The following EXD3 variants were observed in gnomAD, a reference collection of about 807,000 sequenced individuals.
The protein encoded by EXD3 is exonuclease 3'-5' domain containing 3, also known as exonuclease mut-7 homolog.
Under a neutral mutation model 98.0 loss-of-function variants are expected in EXD3, and 92 were observed. That is an observed-to-expected ratio of 0.94 (90% CI 0.79 to 1.12). The LOEUF (loss-of-function observed/expected upper bound fraction) is 1.12, where lower values mean the gene tolerates loss of function less well. EXD3 is among the 50% of genes most tolerant of loss of function. EXD3 has a pLI of 0.00. For missense variants in EXD3, 1,222 were observed against 1,191.6 expected, an observed-to-expected ratio of 1.03 and a Z score of -0.38; for synonymous variants, 569 against 526.0, an observed-to-expected ratio of 1.08 and a Z score of -1.12.
chr9:137,331,902 T>C (rs1213163267), intron 17 of EXD3, among the ~76,000 whole-genome samples: 1 of 151,840 alleles, frequency 6.6e-6, no homozygotes, highest in Non-Finnish European at 1.5e-5. Context: ...GGCAACAGGG[T>C]GAGACTCCGT....
chr9:137,316,112 G>A (rs1259402191), intron 19 of EXD3, among the ~76,000 whole-genome samples: 10 of 150,924 alleles, frequency 6.6e-5, no homozygotes, highest in Non-Finnish European at 1.5e-4. Flanking sequence ...GGCGGGGCGC[G>A]GCGCGCTGGC....
chr9:137,420,231 A>AT (rs1175897195), intron 1 of EXD3, among the ~76,000 whole-genome samples: 2 of 151,780 alleles, frequency 1.3e-5, no homozygotes, highest in Admixed American at 6.6e-5. Flanking sequence ...GCTTTTTATG[A>AT]TTTTTTGTTG....
rs796346556 is a variant in EXD3 at position 137,326,078 on chromosome 9, C to CAA, written c.1999-1937_1999-1936dup. 6.3e-4 allele frequency among the ~76,000 whole-genome samples: 60 copies of CAA among 95,526 alleles called. 1 individual carries two copies. The highest frequency in any genetic ancestry group is 1.4e-3 in the Admixed American group (13 of 9,472). The allele number at this position is 95,526 out of a possible 152,430, so 62.7% of individuals were successfully genotyped here. ...TGGGCTACAAAGTGAGAACCTGTCTCAAAAAAAAAAAAAAAAAGACTCTTA... is the reference window on the plus strand; with the variant it reads ...TGGGCTACAAAGTGAGAACCTGTCTCAAAAAAAAAAAAAAAAAAAGACTCTTA... On this transcript the variant is annotated intron_variant, in intron 17 of 21. Coordinates refer to ENST00000340951, the MANE Select transcript of EXD3 (RefSeq NM_017820.5).
Position 137,359,887 on chromosome 9 carries a change from A to G in EXD3, c.657-3519T>C, listed in dbSNP as rs941364019. On this transcript the variant is annotated intron_variant, in intron 7 of 21. Coordinates refer to ENST00000340951, the MANE Select transcript of EXD3 (RefSeq NM_017820.5). ...TGACTGCGATCTTTTGTGGATAATG[A>G]GCTCATTTCTCTCGGGCATATGCTA... 1.3e-3 allele frequency among the ~76,000 whole-genome samples: 109 copies of G among 86,348 alleles called. 35 individuals are homozygous for G. The highest frequency in any genetic ancestry group is 3.5e-3 in the African/African-American group (109 of 31,254). 56.6% of individuals were successfully genotyped at this position (86,348 alleles called of 152,430 possible).
rs1389982371 is a variant in EXD3, at chr9:137,322,057, G to T, written c.2184+1668C>A. ...GAGTTGGGCTTTGGTGCCCCCACCA[G>T]CCTCCTCTATGGATCTCCACCGAGG... On this transcript the variant is annotated intron_variant, in intron 19 of 21. Coordinates refer to ENST00000340951, the MANE Select transcript of EXD3 (RefSeq NM_017820.5). 2.6e-5 allele frequency among the ~76,000 whole-genome samples: 4 copies of T among 152,162 alleles called. No homozygotes were observed. The East Asian group carries it at 7.7e-4, about 29-fold the overall frequency.
intron 1 of EXD3, among the ~76,000 whole-genome samples, chr9:137,406,407 T>A (rs1018661628): frequency 2.0e-5 from 3 of 151,684 alleles, no homozygotes; most frequent in African/African-American, 7.3e-5. Context: ...GGGGGCTGAG[T>A]GCAGCCAGGG....
intron 19 of EXD3, among the ~76,000 whole-genome samples, chr9:137,321,576 A>G (rs989005857): frequency 6.6e-6 from 1 of 152,146 alleles, no homozygotes; most frequent in Non-Finnish European, 1.5e-5. Flanking sequence ...CCAGCTACTC[A>G]GGAGCCTGAG....
At chr9:137,389,642 C>T (rs954376754) in intron 2 of EXD3, among the ~76,000 whole-genome samples, 4 of 151,850 alleles carry the variant, frequency 2.6e-5, no homozygotes, top group Non-Finnish European at 5.9e-5. Context: ...CTGGGACGCT[C>T]GGAGCGAGAG....
chr9:137,316,061 C>T (rs1831635290), intron 19 of EXD3, among the ~76,000 whole-genome samples: 1 of 139,094 alleles, frequency 7.2e-6, no homozygotes, highest in South Asian at 2.5e-4. Context: ...TCCCCCCTCG[C>T]CCCCCAGCTC....
intron 1 of EXD3, among the ~76,000 whole-genome samples, chr9:137,396,719 G>A (rs150743482): frequency 1.6e-4 from 25 of 152,362 alleles, no homozygotes; most frequent in African/African-American, 3.8e-4. Flanking sequence ...GTTCCCAGCC[G>A]CGTCACATGG....
chr9:137,352,266 C>T, intron 11 of EXD3, 65 bp from the exon 12 acceptor site: 1 of 1,600,174 alleles, frequency 6.2e-7, no homozygotes, highest in Non-Finnish European at 8.5e-7. Context: ...GACCTCGGAG[C>T]AGGAGGGGAG....
At chr9:137,390,255 C>A (rs200744069) in intron 2 of EXD3, among the ~76,000 whole-genome samples, 3 of 150,064 alleles carry the variant, frequency 2.0e-5, no homozygotes, top group Non-Finnish European at 4.4e-5. Flanking sequence ...ATGGTGAAAC[C>A]CCATCTCTAC....
rs1837019976 is a variant in EXD3 at position 137,393,063 on chromosome 9, CA to C, written c.55+2239del. The C allele has an allele frequency of 4.7e-5, 30 of 639,134 alleles. No individual in the cohort carries two copies. In the East Asian group the frequency reaches 7.9e-4, roughly 17 times the overall value. 39.6% of individuals were successfully genotyped at this position (639,134 alleles called of 1,614,324 possible). A position where few individuals can be genotyped will look rare whatever the true frequency, so the allele number is the denominator to read the frequency against. On this transcript the variant is annotated intron_variant, in intron 2 of 21. Coordinates refer to ENST00000340951, the MANE Select transcript of EXD3 (RefSeq NM_017820.5). The surrounding 1 kb of genome is among the most constrained non-coding windows in gnomAD (Gnocchi z 4.6). Reference sequence around the variant, plus strand: ...GTTCCAGGGGGTGCTGAGGCTGTTCCAGGGGGCACCGAGGCTGTTCTCGGTG... The same window carrying C: ...GTTCCAGGGGGTGCTGAGGCTGTTCCGGGGGCACCGAGGCTGTTCTCGGTG...
At position 137,403,984 on chromosome 9, in the gene EXD3, C is replaced by A. The variant is rs140930416; in HGVS notation, c.-47-8580G>T. 9.1e-3 allele frequency among the ~76,000 whole-genome samples: 1,384 copies of A among 151,580 alleles called. 7 individuals carry two copies. Among genetic ancestry groups the A allele is most frequent in the Admixed American group, 0.018 (270 of 15,204 alleles). On this transcript the variant is annotated intron_variant, in intron 1 of 21. Transcript: ENST00000340951. The surrounding 1 kb of genome is among the most constrained non-coding windows in gnomAD (Gnocchi z 6.1). ...AGCACCACACACAGGGCGCGAGTGA[C>A]AGGGACGTGTGTCCTCACTGTCCCG... is the stretch of plus-strand genomic sequence containing the variant.
chr9:137,395,298 C>T lies in EXD3; in HGVS notation c.55+5G>A. The T allele has an allele frequency of 1.2e-6, 2 of 1,613,096 alleles. No individual in the cohort carries two copies. Among genetic ancestry groups the T allele is most frequent in the Non-Finnish European group, 1.7e-6 (2 of 1,179,462 alleles). ...GAGACTCGGCACCATCAGGCTCAGACTCACCCATGCGGTGGCGCTCGCCAG... is the reference window on the plus strand; with the variant it reads ...GAGACTCGGCACCATCAGGCTCAGATTCACCCATGCGGTGGCGCTCGCCAG... On this transcript the variant is annotated splice_donor_5th_base_variant and intron_variant, in intron 2 of 21. Transcript: ENST00000340951. This position sits in a 1 kb window ranked among gnomAD's most constrained non-coding sequence, Gnocchi z 6.5.
At position 137,402,772 on chromosome 9, in the gene EXD3, A is replaced by G. The variant is rs1357843517; in HGVS notation, c.-47-7368T>C. Reference sequence around the variant, plus strand: ...CCGTTTTCACGCTGCTGATAAACACATACCTGAGACTCAGAACAAAAACAA... The same window carrying G: ...CCGTTTTCACGCTGCTGATAAACACGTACCTGAGACTCAGAACAAAAACAA... On this transcript the variant is annotated intron_variant, in intron 1 of 21. Coordinates refer to ENST00000340951, the MANE Select transcript of EXD3 (RefSeq NM_017820.5). Among the ~76,000 whole-genome samples the G allele has an allele frequency of 1.7e-4, 26 of 152,180 alleles. 1 individual carries two copies. Among genetic ancestry groups the G allele is most frequent in the Admixed American group, 1.7e-3 (26 of 15,282 alleles).
Position 137,377,113 on chromosome 9 carries a change from A to C in EXD3, c.121-3514T>G, listed in dbSNP as rs917145767. On this transcript the variant is annotated intron_variant, in intron 3 of 21. Coordinates refer to ENST00000340951, the MANE Select transcript of EXD3 (RefSeq NM_017820.5). ...CAGCAAGCGACTGACTGAGCGTGCA[A>C]CGTGGTTACAGCCAAACACAGAGAG... is the stretch of plus-strand genomic sequence containing the variant. 6 of 152,290 alleles carry C rather than the reference A, an allele frequency of 3.9e-5. No individual in the cohort carries two copies. In the South Asian group the frequency reaches 1.0e-3, roughly 26 times the overall value. The allele number at this position is 152,290 out of a possible 1,614,324, so 9.4% of individuals were successfully genotyped here.
chr9:137,386,546 C>G (rs1382218929), intron 2 of EXD3, among the ~76,000 whole-genome samples: 4 of 152,236 alleles, frequency 2.6e-5, no homozygotes, highest in African/African-American at 9.6e-5. Context: ...TCAGACAACA[C>G]CCAGCCGCGC....
At chr9:137,319,636 G>A (rs577067985) in intron 19 of EXD3, among the ~76,000 whole-genome samples, 13 of 152,178 alleles carry the variant, frequency 8.5e-5, no homozygotes, top group African/African-American at 3.1e-4. Flanking sequence ...AGCACCTCTC[G>A]GGACTCCAGA....
Sources: gnomAD v4.1 joint callset for allele counts (sites outside exome capture counted in the v4.1 genomes callset) on GRCh38, gnomAD v4.1.1 for gene constraint, Gnocchi (gnomAD v3.1) non-coding constraint, MANE v1.5 for transcripts, NCBI Gene and HGNC (gene_info 2026-07-23, HGNC 2026-07-21) for gene names.